The following NAALADL2 variants were observed in gnomAD, a reference collection of about 807,000 sequenced individuals.
NAALADL2 encodes the protein N-acetylated alpha-linked acidic dipeptidase like 2.
Under a neutral mutation model 87.2 loss-of-function variants are expected in NAALADL2, and 76 were observed. That is an observed-to-expected ratio of 0.87 (90% confidence interval 0.72 to 1.05). The LOEUF (loss-of-function observed/expected upper bound fraction) is 1.05, where lower values mean the gene tolerates loss of function less well. Ranked by LOEUF, NAALADL2 falls within the 50% of genes least tolerant of loss-of-function variation. The pLI is 0.00. For missense variants in NAALADL2, 1,089 were observed against 945.8 expected (o/e 1.15, Z -1.99); for synonymous variants, 354 against 331.0 (o/e 1.07, Z -0.75).
chr3:174,726,141 G>A (rs1204720158), intron 2 of NAALADL2, among the ~76,000 whole-genome samples: 1 of 152,048 alleles, frequency 6.6e-6, no homozygotes, highest in African/African-American at 2.4e-5. Flanking sequence ...TCAGTGCTGT[G>A]CCAACCCTAA....
At chr3:175,719,703 C>G (rs1741950911) in intron 11 of NAALADL2, among the ~76,000 whole-genome samples, 1 of 152,168 alleles carries the variant, frequency 6.6e-6, no homozygotes, top group Admixed American at 6.5e-5. Flanking sequence ...GATAGCCAGT[C>G]TCACTTGGAA....
intron 4 of NAALADL2, among the ~76,000 whole-genome samples, chr3:175,308,373 T>C (rs1005720229): frequency 2.0e-5 from 3 of 152,210 alleles, no homozygotes; most frequent in Non-Finnish European, 4.4e-5. Context: ...AAACTGCGTA[T>C]GTTCTCTTCC....
intron 10 of NAALADL2, among the ~76,000 whole-genome samples, chr3:175,595,408 T>C (rs943724881): frequency 1.9e-4 from 29 of 152,044 alleles, no homozygotes; most frequent in Non-Finnish European, 1.3e-4. Flanking sequence ...AGCCTTGTAG[T>C]GTAGTTTGAA....
Position 175,471,616 on chromosome 3 carries a change from TC to T in NAALADL2, c.1534-21del, listed in dbSNP as rs761979150. 268 of 1,167,700 alleles carry T rather than the reference TC, an allele frequency of 2.3e-4. No homozygotes were observed. The East Asian group carries it at 3.7e-3, about 16-fold the overall frequency. 72.3% of individuals were successfully genotyped at this position (1,167,700 alleles called of 1,614,324 possible). ...TCTATTTATTTGTCTTACAGATAGA[TC>T]CTTTTTTTTTTGTTATTTCAGGATT... On this transcript the variant is annotated intron_variant, in intron 8 of 13. Transcript: ENST00000454872.
intron 4 of NAALADL2, among the ~76,000 whole-genome samples, chr3:175,262,617 G>C (rs1751262399): frequency 1.5e-5 from 2 of 134,652 alleles, no homozygotes; most frequent in Non-Finnish European, 3.3e-5. Flanking sequence ...TGTATGAGCT[G>C]TATGTATGAG....
intron 1 of NAALADL2, among the ~76,000 whole-genome samples, chr3:174,519,558 C>T (rs534226818): frequency 5.9e-5 from 9 of 151,780 alleles, no homozygotes; most frequent in Admixed American, 1.3e-4. Context: ...CTCGAACTCC[C>T]GACCTCAGGT....
intron 2 of NAALADL2, among the ~76,000 whole-genome samples, chr3:174,712,682 G>A (rs554618738): frequency 6.6e-6 from 1 of 151,844 alleles, no homozygotes; most frequent in African/African-American, 2.4e-5. Context: ...TACCGCGCTC[G>A]GCCTCACTTC....
At chr3:175,138,916 A>G (rs1000339034) in intron 2 of NAALADL2, among the ~76,000 whole-genome samples, 2 of 136,584 alleles carry the variant, frequency 1.5e-5, no homozygotes, top group Non-Finnish European at 3.2e-5. Context: ...ATATATATAT[A>G]TATATATATG....
chr3:174,668,479 G>C (rs1380441948), intron 2 of NAALADL2, among the ~76,000 whole-genome samples: 1 of 152,070 alleles, frequency 6.6e-6, no homozygotes, highest in Non-Finnish European at 1.5e-5. Flanking sequence ...GTGCAGGTTA[G>C]TTACATATGT....
Position 174,575,961 on chromosome 3 carries a change from T to A in NAALADL2, c.-115+25324T>A, listed in dbSNP as rs115914541. 6.0e-3 allele frequency among the ~76,000 whole-genome samples: 915 copies of A among 152,214 alleles called. 7 individuals are homozygous for A. The highest frequency in any genetic ancestry group is 0.021 in the African/African-American group (885 of 41,526). ...TCACAGCAACCTCCACTTCCCGGGT[T>A]AAAGCGATGATCCTGCCTCAGACTC... On this transcript the variant is annotated intron_variant, in intron 2 of 3. Transcript: ENST00000434257.
At chr3:175,668,451 A>T (rs1733508154) in intron 11 of NAALADL2, among the ~76,000 whole-genome samples, 1 of 152,108 alleles carries the variant, frequency 6.6e-6, no homozygotes, top group African/African-American at 2.4e-5. Context: ...AAGCATGAAA[A>T]TGAGACTGTC....
intron 9 of NAALADL2, among the ~76,000 whole-genome samples, chr3:175,494,660 G>A (rs1326767130): frequency 6.6e-6 from 1 of 152,080 alleles, no homozygotes; most frequent in Non-Finnish European, 1.5e-5. Flanking sequence ...CTACACTGAT[G>A]TGACTAATAC....
At chr3:175,379,569 T>A (rs1332570291) in intron 5 of NAALADL2, among the ~76,000 whole-genome samples, 1 of 151,734 alleles carries the variant, frequency 6.6e-6, no homozygotes, top group Non-Finnish European at 1.5e-5. Context: ...AGTCTCACTC[T>A]GTCACCCAGA....
chr3:174,806,937 A>T (rs1380181905), intron 3 of NAALADL2, among the ~76,000 whole-genome samples: 1 of 152,172 alleles, frequency 6.6e-6, no homozygotes, highest in Non-Finnish European at 1.5e-5. Context: ...GAGAAACATC[A>T]TTGTCCTTAG....
rs375074140 is a variant in NAALADL2, at chr3:175,500,499, T to C, written c.1653+28741T>C. ...ATCAGAAGGTGATTTCATTCATTCATTCATCTAGTATACTTCTAATGGGGG... is the reference window on the plus strand; with the variant it reads ...ATCAGAAGGTGATTTCATTCATTCACTCATCTAGTATACTTCTAATGGGGG... On this transcript the variant is annotated intron_variant, in intron 9 of 13. Transcript: ENST00000454872. Among the ~76,000 whole-genome samples, 10 of 152,054 alleles carry C rather than the reference T, an allele frequency of 6.6e-5. No individual in the cohort carries two copies. In the East Asian group the frequency reaches 1.6e-3, roughly 24 times the overall value.
chr3:174,648,299 G>A (rs369160723), intron 2 of NAALADL2, among the ~76,000 whole-genome samples: 64 of 151,536 alleles, frequency 4.2e-4, no homozygotes, highest in African/African-American at 1.5e-3. Flanking sequence ...CTCCAGCCTG[G>A]GCAACAAGAG....
At chr3:175,275,913 A>T (rs1429074737) in intron 4 of NAALADL2, among the ~76,000 whole-genome samples, 1 of 151,384 alleles carries the variant, frequency 6.6e-6, no homozygotes, top group Admixed American at 6.6e-5. Context: ...TCCTTTTCTA[A>T]AATTCATGAC....
At chr3:175,511,963 T>G (rs556245492) in intron 9 of NAALADL2, among the ~76,000 whole-genome samples, 32 of 152,290 alleles carry the variant, frequency 2.1e-4, no homozygotes, top group African/African-American at 7.7e-4. Context: ...GTTCCTAGGC[T>G]GGGCATGGTG....
intron 2 of NAALADL2, among the ~76,000 whole-genome samples, chr3:174,688,007 C>CTTTATA (rs755533003): frequency 4.5e-4 from 69 of 152,190 alleles, no homozygotes; most frequent in Non-Finnish European, 4.1e-4. Context: ...TATAAATTAC[C>CTTTATA]CAGTCTTAGG....
Sources: gnomAD v4.1 joint callset for allele counts (sites outside exome capture counted in the v4.1 genomes callset) on GRCh38, gnomAD v4.1.1 for gene constraint, MANE v1.5 for transcripts, NCBI Gene and HGNC (gene_info 2026-07-23, HGNC 2026-07-21) for gene names.